The following DMAP1 variants were observed in gnomAD, a reference collection of about 807,000 sequenced individuals.
The protein encoded by DMAP1 is DNA methyltransferase 1 associated protein 1.
A neutral mutation model predicts 52.7 loss-of-function variants in DMAP1; 26 were observed. The ratio of observed to expected loss-of-function variants is 0.49; its 90% CI spans 0.36 to 0.68. DMAP1 has a LOEUF of 0.68. Among genes scored for constraint, DMAP1 ranks in the 30% least tolerant of loss-of-function variants. The probability of loss-of-function intolerance (pLI) is 0.00; values close to 1 mark genes in which losing one functional copy is unlikely to be tolerated. For missense variants in DMAP1, 439 were observed against 625.2 expected, an observed-to-expected ratio of 0.70 and a Z score of 3.18; for synonymous variants, 231 against 246.0, an observed-to-expected ratio of 0.94 and a Z score of 0.57.
Position 44,218,786 on chromosome 1 carries a change from T to C in DMAP1, c.720+31T>C. On this transcript the variant is annotated intron_variant, in intron 5 of 9. Transcript: ENST00000372289. The surrounding 1 kb of genome is among the most constrained non-coding windows in gnomAD (Gnocchi z 5.6). Reference sequence around the variant, plus strand: ...CCCAAGGCCACATACCTGTCCTCCATGCCCCAAACCCCTTGCTCATTGTCT... The same window carrying C: ...CCCAAGGCCACATACCTGTCCTCCACGCCCCAAACCCCTTGCTCATTGTCT... The C allele has an allele frequency of 1.9e-6, 3 of 1,573,986 alleles. No individual in the cohort carries two copies. The highest frequency in any genetic ancestry group is 2.6e-6 in the Non-Finnish European group (3 of 1,155,394).
chr1:44,219,540 C>T, intron 7 of DMAP1, 63 bp downstream of exon 7: 2 of 1,469,532 alleles, frequency 1.4e-6, no homozygotes, highest in Non-Finnish European at 1.8e-6. Flanking sequence ...TCCATGTGTC[C>T]CAAACGCTGC....
intron 3 of DMAP1, chr1:44,215,727 C>G (rs542191566): frequency 3.3e-5 from 6 of 184,480 alleles, no homozygotes; most frequent in African/African-American, 1.4e-4. Flanking sequence ...GATTCTTTTT[C>G]CATAATAAAT....
In DMAP1 at chr1:44,219,066, A is replaced by C; in HGVS notation, c.731A>C (p.Glu244Ala). 2.5e-6 allele frequency: 4 copies of C among 1,614,034 alleles called. No individual in the cohort carries two copies. The highest frequency in any genetic ancestry group is 3.4e-6 in the Non-Finnish European group (4 of 1,179,974). The stretch of plus-strand genomic sequence containing the variant: ...CCCTCACTTTCCCAGGTGGCAGAGG[A>C]GGAGTACCTGCTACAGGAGCTGCGC... Reference protein sequence around the residue: ...YNRTPEQVAEEEYLLQELRKI... With the variant: ...YNRTPEQVAEAEYLLQELRKI... The change falls in exon 6 of 10, where the codon GAG (glutamate) becomes GCG (alanine). Residue 244 changes from glutamate to alanine, a missense_variant. Physicochemically the swap from Glu to Ala is moderately radical, Grantham distance 107. Around this residue, in one of 3 missense-constraint regions of DMAP1, gnomAD observed 142 missense variants for 149.5 expected, o/e 0.95. Transcript: ENST00000372289.
Position 44,213,983 on chromosome 1 carries a change from A to G in DMAP1, c.105+125A>G. On this transcript the variant is annotated intron_variant, in intron 1 of 9. Coordinates refer to ENST00000372289, the MANE Select transcript of DMAP1 (RefSeq NM_019100.5). The surrounding 1 kb of genome is among the most constrained non-coding windows in gnomAD (Gnocchi z 4.5). ...GTTGGGCGATAAAAGGGGTGACATA[A>G]CAGGACAGGGAATATGTGTCATCCT... is the stretch of plus-strand genomic sequence containing the variant. The G allele has an allele frequency of 2.3e-6, 2 of 866,748 alleles. No homozygotes were observed. Among genetic ancestry groups the G allele is most frequent in the African/African-American group, 3.4e-5 (2 of 59,326 alleles). 53.7% of individuals were successfully genotyped at this position (866,748 alleles called of 1,614,324 possible).
In DMAP1 at chr1:44,218,191, G is replaced by T; in HGVS notation, c.394-120G>T. On this transcript the variant is annotated intron_variant, in intron 3 of 9. Coordinates refer to ENST00000372289, the MANE Select transcript of DMAP1 (RefSeq NM_019100.5). This position sits in a 1 kb window ranked among gnomAD's most constrained non-coding sequence, Gnocchi z 5.6. Reference sequence around the variant, plus strand: ...ACAAGTTCTTTCCTCACTCCATGCTGCAGGGGCACAGGCCCAGGGTCTGGC... The same window carrying T: ...ACAAGTTCTTTCCTCACTCCATGCTTCAGGGGCACAGGCCCAGGGTCTGGC... 1.5e-6 allele frequency: 2 copies of T among 1,350,616 alleles called. No individual in the cohort carries two copies. The highest frequency in any genetic ancestry group is 2.3e-5 in the East Asian group (1 of 43,656). 83.7% of individuals were successfully genotyped at this position (1,350,616 alleles called of 1,614,324 possible).
rs563212663 is a variant in DMAP1 at position 44,213,908 on chromosome 1, G to C, written c.105+50G>C. On this transcript the variant is annotated intron_variant, in intron 1 of 9. Coordinates refer to ENST00000372289, the MANE Select transcript of DMAP1 (RefSeq NM_019100.5). This position sits in a 1 kb window ranked among gnomAD's most constrained non-coding sequence, Gnocchi z 4.5. ...GACTAGGGGAGGGTAGGGGAGTGAA[G>C]ATGGGGAGGAGTGACAACGGGCAAG... 6 of 1,524,786 alleles carry C rather than the reference G, an allele frequency of 3.9e-6. No individual in the cohort carries two copies. In the South Asian group the frequency reaches 7.2e-5, roughly 18 times the overall value. The allele number at this position is 1,524,786 out of a possible 1,614,324, so 94.5% of individuals were successfully genotyped here. A position where few individuals can be genotyped will look rare whatever the true frequency, so the allele number is the denominator to read the frequency against.
chr1:44,214,623 T>C (rs779261187), intron 2 of DMAP1, 80 bp from the exon 3 acceptor site: 91 of 1,613,332 alleles, frequency 5.6e-5, no homozygotes, highest in East Asian at 2.2e-5. Context: ...TAGGGTAGGG[T>C]AGATCAGCTC....
At chr1:44,220,391 C>G in intron 9 of DMAP1, 82 bp downstream of exon 9, 5 of 1,524,046 alleles carry the variant, frequency 3.3e-6, no homozygotes, top group Non-Finnish European at 4.4e-6. Flanking sequence ...TCCTCTCCCT[C>G]TAGTGCCTGC....
Position 44,220,236 on chromosome 1 carries a change from C to G in DMAP1, c.1271C>G (p.Thr424Ser). The G allele has an allele frequency of 6.3e-7, 1 of 1,585,880 alleles. No individual in the cohort carries two copies. Among genetic ancestry groups the G allele is most frequent in the South Asian group, 1.1e-5 (1 of 88,878 alleles). ...PGPASAEPAV[T>S]EPGLGPDPKD... Reference sequence around the variant, plus strand: ...CCGGCCTCTGCTGAGCCGGCAGTGACTGAACCCGGACTTGGTCCTGACCCC... The same window carrying G: ...CCGGCCTCTGCTGAGCCGGCAGTGAGTGAACCCGGACTTGGTCCTGACCCC... The change falls in exon 9 of 10, where the codon ACT (threonine) becomes AGT (serine). Residue 424 changes from threonine (T) to serine (S), a missense_variant. Coordinates refer to ENST00000372289, the MANE Select transcript of DMAP1 (RefSeq NM_019100.5).
chr1:44,219,604 G>A, intron 7 of DMAP1, 127 bp downstream of exon 7: 1 of 1,187,538 alleles, frequency 8.4e-7, no homozygotes, highest in South Asian at 1.5e-5. Context: ...AGGTGGCCTT[G>A]GCAGGATCTC....
At position 44,220,020 on chromosome 1, in the gene DMAP1, T is replaced by G; in HGVS notation, c.1055T>G (p.Leu352Arg). Residue 352 changes from leucine to arginine, a missense_variant, in exon 9 of 10, where the codon CTG (leucine) becomes CGG (arginine). Leu to Arg is a moderately radical substitution (Grantham distance 102). Transcript: ENST00000372289. ...GCTGCCTGCCGCCTGCCTGCAGAGC[T>G]GAGCCCGACACCTACGGAGGAGCTG... is the stretch of plus-strand genomic sequence containing the variant. ...EQMLLELGVE[L>R]SPTPTEELVH... The G allele has an allele frequency of 6.3e-7, 1 of 1,599,626 alleles. No homozygotes were observed. Among genetic ancestry groups the G allele is most frequent in the Non-Finnish European group, 8.5e-7 (1 of 1,169,824 alleles).
chr1:44,218,960 A>G lies in DMAP1; in HGVS notation c.721-96A>G. On this transcript the variant is annotated intron_variant, in intron 5 of 9. Transcript: ENST00000372289. The surrounding 1 kb of genome is among the most constrained non-coding windows in gnomAD (Gnocchi z 5.6). ...CCTCCCTCATGATCCATTACTTCTC[A>G]GATTCCCTCACAGACAGCCCAGCAC... is the stretch of plus-strand genomic sequence containing the variant. 6.7e-7 allele frequency: 1 copy of G among 1,501,496 alleles called. No homozygotes were observed. The highest frequency in any genetic ancestry group is 9.1e-7 in the Non-Finnish European group (1 of 1,103,932). 93.0% of individuals were successfully genotyped at this position (1,501,496 alleles called of 1,614,324 possible). A position where few individuals can be genotyped will look rare whatever the true frequency, so the allele number is the denominator to read the frequency against.
At chr1:44,215,293 C>G in intron 3 of DMAP1, 1 of 459,262 alleles carries the variant, frequency 2.2e-6, no homozygotes, top group Non-Finnish European at 4.4e-6. Flanking sequence ...ATCTCTTTCT[C>G]AATGCCCCAC....
In DMAP1 at chr1:44,218,108, G is replaced by T. The variant is rs934998810; in HGVS notation, c.394-203G>T. The T allele has an allele frequency of 5.9e-6, 4 of 675,332 alleles. No individual in the cohort carries two copies. In the East Asian group the frequency reaches 8.2e-5, roughly 14 times the overall value. The allele number at this position is 675,332 out of a possible 1,614,324, so 41.8% of individuals were successfully genotyped here. A position where few individuals can be genotyped will look rare whatever the true frequency, so the allele number is the denominator to read the frequency against. On this transcript the variant is annotated intron_variant, in intron 3 of 9. Transcript: ENST00000372289. The surrounding 1 kb of genome is among the most constrained non-coding windows in gnomAD (Gnocchi z 5.6). ...AGCTGGAGACAGTGAAGTTGATCCTGGAATAAATCAGAGGCAGGCTACAGT... is the reference window on the plus strand; with the variant it reads ...AGCTGGAGACAGTGAAGTTGATCCTTGAATAAATCAGAGGCAGGCTACAGT...
Position 44,213,711 on chromosome 1 carries a change from A to G in DMAP1, c.-43A>G. 1 of 1,542,776 alleles carries G rather than the reference A, an allele frequency of 6.5e-7. No homozygotes were observed. The highest frequency in any genetic ancestry group is 8.8e-7 in the Non-Finnish European group (1 of 1,138,732). ...ACCTGAGCCTGGTCCTTCTTCAGGC[A>G]CTGACCCTTGACCTCCGGTGGCTCC... On this transcript the variant is annotated 5_prime_UTR_variant, in exon 1 of 10. Transcript: ENST00000372289. This position sits in a 1 kb window ranked among gnomAD's most constrained non-coding sequence, Gnocchi z 4.5.
At chr1:44,215,835 C>G (rs1643781638) in intron 3 of DMAP1, 1 of 158,920 alleles carries the variant, frequency 6.3e-6, no homozygotes, top group Non-Finnish European at 1.4e-5. Flanking sequence ...CAGACTCACC[C>G]ATTCAGTGAG....
In DMAP1 at chr1:44,218,997, C is replaced by T. The variant is rs1371184962; in HGVS notation, c.721-59C>T. 32 of 1,590,390 alleles carry T rather than the reference C, an allele frequency of 2.0e-5. No homozygotes were observed. The highest frequency in any genetic ancestry group is 1.3e-4 in the East Asian group (6 of 44,706). ...AGACAGCCCAGCACCCTGTCACCTC[C>T]GTGTCTACCCTCACTCCTAGAAGTG... On this transcript the variant is annotated intron_variant, in intron 5 of 9. Coordinates refer to ENST00000372289, the MANE Select transcript of DMAP1 (RefSeq NM_019100.5). This position sits in a 1 kb window ranked among gnomAD's most constrained non-coding sequence, Gnocchi z 5.6.
At chr1:44,220,485 T>A in intron 9 of DMAP1, 74 bp from the exon 10 acceptor site, 1 of 1,612,884 alleles carries the variant, frequency 6.2e-7, no homozygotes, top group East Asian at 2.2e-5. Flanking sequence ...TCCCTGAGCG[T>A]GTGAAGCACA....
Position 44,218,585 on chromosome 1 carries a change from C to T in DMAP1, c.553-3C>T. ...CATTCCTCTACCCTGTCTTGCTCCT[C>T]AGAAGCGTTCTGTGGAAGACCTGAA... On this transcript the variant is annotated splice_polypyrimidine_tract_variant and splice_region_variant and intron_variant, in intron 4 of 9. Transcript: ENST00000372289. This position sits in a 1 kb window ranked among gnomAD's most constrained non-coding sequence, Gnocchi z 5.6. 1 of 1,609,862 alleles carries T rather than the reference C, an allele frequency of 6.2e-7. No individual in the cohort carries two copies. The highest frequency in any genetic ancestry group is 8.5e-7 in the Non-Finnish European group (1 of 1,176,682).
Sources: gnomAD v4.1 joint callset for allele counts on GRCh38, gnomAD v4.1.1 for gene constraint, gnomAD v4.1.1 regional missense constraint, Gnocchi (gnomAD v3.1) non-coding constraint, MANE v1.5 for transcripts, NCBI Gene and HGNC (gene_info 2026-07-23, HGNC 2026-07-21) for gene names.